NT5C2: variants seen among roughly 807,000 people sequenced by gnomAD.
NT5C2 encodes 5'-nucleotidase, cytosolic II.
Under a neutral mutation model 76.1 loss-of-function variants are expected in NT5C2, and 58 were observed. The observed-to-expected ratio is 0.76, with a 90% CI of 0.62 to 0.95. The LOEUF (loss-of-function observed/expected upper bound fraction) is 0.95, where lower values mean the gene tolerates loss of function less well. Among genes scored for constraint, NT5C2 ranks in the 40% least tolerant of loss-of-function variants. The pLI is 0.00. For synonymous variants in NT5C2, 229 were observed against 237.4 expected, an observed-to-expected ratio of 0.96 and a Z score of 0.32; for missense variants, 478 against 690.3, an observed-to-expected ratio of 0.69 and a Z score of 3.45.
chr10:103,125,081 A>G, intron 4 of NT5C2: 1 of 341,662 alleles, frequency 2.9e-6, no homozygotes. Flanking sequence ...ACGGTCTATG[A>G]TGTCAGCTGA....
At chr10:103,188,056 T>A (rs2092257654) in intron 1 of NT5C2, among the ~76,000 whole-genome samples, 1 of 152,166 alleles carries the variant, frequency 6.6e-6, no homozygotes, top group Non-Finnish European at 1.5e-5. Flanking sequence ...TACTAGCTGA[T>A]CATATTAAAG....
intron 12 of NT5C2, among the ~76,000 whole-genome samples, chr10:103,094,958 A>T (rs2067840454): frequency 6.6e-6 from 1 of 152,224 alleles, no homozygotes; most frequent in Admixed American, 6.5e-5. Context: ...ATAATAAATA[A>T]CTGTAATAAC....
chr10:103,145,936 A>T, intron 3 of NT5C2: 1 of 336,874 alleles, frequency 3.0e-6, no homozygotes, highest in Non-Finnish European at 4.2e-6. Flanking sequence ...GAATATTCTC[A>T]CACTTAAGTA....
At chr10:103,185,466 C>T (rs2135399985) in intron 1 of NT5C2, among the ~76,000 whole-genome samples, 1 of 151,790 alleles carries the variant, frequency 6.6e-6, no homozygotes, top group South Asian at 2.1e-4. Flanking sequence ...AGCAACATGG[C>T]AAAACCCCCA....
At chr10:103,175,415 T>A (rs138087589) in intron 2 of NT5C2, 2 of 162,796 alleles carry the variant, frequency 1.2e-5, no homozygotes, top group Admixed American at 6.0e-5. Context: ...AGCTAGCGGG[T>A]TGGAATGGGG....
intron 3 of NT5C2, chr10:103,153,237 A>C: frequency 8.3e-7 from 1 of 1,200,656 alleles, no homozygotes; most frequent in African/African-American, 1.6e-5. Context: ...ATTCATGCAG[A>C]TGATACCTCT....
intron 3 of NT5C2, among the ~76,000 whole-genome samples, chr10:103,141,176 G>A (rs1197509749): frequency 1.3e-5 from 2 of 152,150 alleles, no homozygotes; most frequent in Non-Finnish European, 2.9e-5. Flanking sequence ...ATTATTCAAG[G>A]TTGGGAGCAG....
chr10:103,144,436 T>C (rs2081130452), intron 3 of NT5C2, among the ~76,000 whole-genome samples: 1 of 152,246 alleles, frequency 6.6e-6, no homozygotes, highest in African/African-American at 2.4e-5. Flanking sequence ...TGTCAATCAG[T>C]GCTTAAGACA....
chr10:103,167,972 C>A (rs1242427232), intron 3 of NT5C2, among the ~76,000 whole-genome samples: 3 of 151,960 alleles, frequency 2.0e-5, no homozygotes, highest in Admixed American at 2.0e-4. Context: ...TAAGTACTAG[C>A]AAAATTACAT....
At chr10:103,183,137 A>G (rs1271973858) in intron 1 of NT5C2, among the ~76,000 whole-genome samples, 1 of 151,804 alleles carries the variant, frequency 6.6e-6, no homozygotes, top group Non-Finnish European at 1.5e-5. Context: ...TGTAGTTAAC[A>G]GTGTCACCTA....
At chr10:103,181,515 A>G (rs1361907361) in intron 1 of NT5C2, among the ~76,000 whole-genome samples, 187 bp from the exon 2 acceptor site, 25 of 152,128 alleles carry the variant, frequency 1.6e-4, no homozygotes, top group Admixed American at 1.6e-3. Context: ...TGCACTGAAT[A>G]TTCTTTCCTT....
At chr10:103,176,923 G>A (rs1037979170) in intron 2 of NT5C2, among the ~76,000 whole-genome samples, 6 of 151,970 alleles carry the variant, frequency 3.9e-5, no homozygotes, top group Admixed American at 3.3e-4. Context: ...GGGTAGGTCT[G>A]TAATGTGAAA....
At chr10:103,090,278 A>G in intron 18 of NT5C2, 1 of 341,616 alleles carries the variant, frequency 2.9e-6, no homozygotes, top group Non-Finnish European at 5.3e-6. Flanking sequence ...AGTACAGTGG[A>G]GCAATCACAG....
Position 103,088,524 on chromosome 10 carries a change from A to C in NT5C2, c.*1148T>G, listed in dbSNP as rs990899323. The C allele has an allele frequency of 2.6e-5, 4 of 152,416 alleles. No homozygotes were observed. Among genetic ancestry groups the C allele is most frequent in the African/African-American group, 9.7e-5 (4 of 41,414 alleles). The allele number at this position is 152,416 out of a possible 1,614,324, so 9.4% of individuals were successfully genotyped here. A position where few individuals can be genotyped will look rare whatever the true frequency, so the allele number is the denominator to read the frequency against. On this transcript the variant is annotated 3_prime_UTR_variant, in exon 19 of 19. Coordinates refer to ENST00000404739, the MANE Select transcript of NT5C2 (RefSeq NM_001351169.2). ...CTCAGCCTCCTGAGTAGATGATGGG[A>C]TTACAGGCATGCACCACCACGCCCA... is the stretch of plus-strand genomic sequence containing the variant.
chr10:103,119,493 G>A (rs1233639862), intron 4 of NT5C2, among the ~76,000 whole-genome samples: 7 of 152,216 alleles, frequency 4.6e-5, no homozygotes, highest in Non-Finnish European at 1.0e-4. Context: ...TAATGCACAA[G>A]TTCTATATTT....
At chr10:103,179,158 A>G (rs1181675821) in intron 2 of NT5C2, among the ~76,000 whole-genome samples, 2 of 151,822 alleles carry the variant, frequency 1.3e-5, no homozygotes, top group Non-Finnish European at 2.9e-5. Flanking sequence ...CATGTTGGTC[A>G]GGCTGGTGCC....
At chr10:103,120,230 G>T (rs942809947) in intron 4 of NT5C2, among the ~76,000 whole-genome samples, 3 of 152,088 alleles carry the variant, frequency 2.0e-5, no homozygotes, top group African/African-American at 7.2e-5. Flanking sequence ...ATTTGGGAAT[G>T]ATTTCACAGC....
At chr10:103,191,527 G>A (rs1358896103) in intron 1 of NT5C2, among the ~76,000 whole-genome samples, 1 of 152,116 alleles carries the variant, frequency 6.6e-6, no homozygotes, top group Non-Finnish European at 1.5e-5. Context: ...ATTGTAATCT[G>A]GCTTTCTTTA....
At chr10:103,160,488 G>A (rs1364736564) in intron 3 of NT5C2, among the ~76,000 whole-genome samples, 4 of 152,048 alleles carry the variant, frequency 2.6e-5, no homozygotes, top group Admixed American at 2.0e-4. Flanking sequence ...AGACAATATT[G>A]GAAAATCATG....
Sources: allele counts gnomAD v4.1 joint callset (sites outside exome capture counted in the v4.1 genomes callset), GRCh38; gene constraint gnomAD v4.1.1; transcripts MANE v1.5; gene names NCBI Gene and HGNC (gene_info 2026-07-23, HGNC 2026-07-21).